CEP350: variants seen among roughly 807,000 people sequenced by gnomAD.
CEP350 encodes the protein centrosomal protein 350, also known as centrosome-associated protein 350.
A neutral mutation model predicts 331.8 loss-of-function variants in CEP350; 126 were observed. The ratio of observed to expected loss-of-function variants is 0.38; its 90% confidence interval spans 0.33 to 0.44. The LOEUF is 0.44. Ranked by LOEUF, CEP350 falls within the 20% of genes least tolerant of loss-of-function variation. The pLI, the probability that CEP350 is intolerant of heterozygous loss-of-function variation, is 1.00. For missense variants in CEP350, 3,406 were observed against 3,634.6 expected, an observed-to-expected ratio of 0.94 and a Z score of 1.62; for synonymous variants, 1,200 against 1,259.5, an observed-to-expected ratio of 0.95 and a Z score of 1.00.
intron 4 of CEP350, among the ~76,000 whole-genome samples, chr1:179,991,072 GA>G (rs1400031016): frequency 6.6e-6 from 1 of 151,578 alleles, no homozygotes; most frequent in East Asian, 1.9e-4. Context: ...CCTTGACAAT[GA>G]GTTTTCATTT....
intron 10 of CEP350, 120 bp from the exon 11 acceptor site, chr1:180,015,729 A>G (rs561910468): frequency 8.1e-7 from 1 of 1,236,902 alleles, no homozygotes; most frequent in Non-Finnish European, 1.1e-6. Flanking sequence ...GTTTGACAAA[A>G]AAAAACCACT....
intron 13 of CEP350, among the ~76,000 whole-genome samples, chr1:180,023,557 G>C (rs1655476537): frequency 6.6e-6 from 1 of 152,092 alleles, no homozygotes; most frequent in Non-Finnish European, 1.5e-5. Flanking sequence ...TAATTATAAT[G>C]ATTATAACAT....
Position 180,078,504 on chromosome 1 carries a change from C to G in CEP350, c.5809C>G (p.His1937Asp). The G allele has an allele frequency of 6.2e-7, 1 of 1,613,492 alleles. No homozygotes were observed. Among genetic ancestry groups the G allele is most frequent in the Non-Finnish European group, 8.5e-7 (1 of 1,179,732 alleles). ...GGAATCTCCAGTACCTCTGTACTCTCATCTAAACAGTGAAAGCTCCATTCC... is the reference window on the plus strand; with the variant it reads ...GGAATCTCCAGTACCTCTGTACTCTGATCTAAACAGTGAAAGCTCCATTCC... ...EEESPVPLYS[H>D]LNSESSIPEE... Residue 1937 changes from histidine to aspartate, a missense_variant, in exon 29 of 38, where the codon CAT becomes GAT. His to Asp is a moderately conservative substitution (Grantham distance 81). Coordinates refer to ENST00000367607, the MANE Select transcript of CEP350 (RefSeq NM_014810.5).
chr1:179,964,700 T>G (rs1383464125), intron 1 of CEP350, among the ~76,000 whole-genome samples: 1 of 152,048 alleles, frequency 6.6e-6, no homozygotes, highest in Non-Finnish European at 1.5e-5. Flanking sequence ...GAGGCTCTTT[T>G]GTATTTTTGT....
At chr1:180,042,988 T>C in intron 19 of CEP350, 68 bp from the exon 20 acceptor site, 2 of 1,515,910 alleles carry the variant, frequency 1.3e-6, no homozygotes, top group East Asian at 2.3e-5. Context: ...CAAGACACTA[T>C]GCTCCTTCTC....
At chr1:180,092,482 C>A in intron 33 of CEP350, 132 bp from the exon 34 acceptor site, 1 of 536,416 alleles carries the variant, frequency 1.9e-6, no homozygotes, top group Non-Finnish European at 3.2e-6. Flanking sequence ...TATAAAGTAG[C>A]CAAAACAGGT....
chr1:180,046,232 A>C (rs935067173), intron 21 of CEP350, among the ~76,000 whole-genome samples: 2 of 152,224 alleles, frequency 1.3e-5, no homozygotes, highest in African/African-American at 4.8e-5. Flanking sequence ...AACCATTAGC[A>C]GTTACTCCCT....
chr1:180,015,210 G>A (rs912357797), intron 10 of CEP350, among the ~76,000 whole-genome samples: 1 of 143,568 alleles, frequency 7.0e-6, no homozygotes, highest in East Asian at 2.0e-4. Context: ...CTAGGAAATT[G>A]TTTATTTATT....
chr1:180,090,842 G>A (rs1660151979), intron 33 of CEP350, 46 bp downstream of exon 33: 1 of 1,453,110 alleles, frequency 6.9e-7, no homozygotes. Flanking sequence ...CATAGTCTAA[G>A]GATTTATGCA....
chr1:179,987,390 A>G, intron 3 of CEP350, 104 bp downstream of exon 3: 1 of 419,160 alleles, frequency 2.4e-6, no homozygotes, highest in Non-Finnish European at 4.2e-6. Context: ...TAAATACTAT[A>G]TATTACTATA....
intron 14 of CEP350, among the ~76,000 whole-genome samples, chr1:180,024,821 T>C (rs1245997701): frequency 6.6e-6 from 1 of 151,966 alleles, no homozygotes; most frequent in African/African-American, 2.4e-5. Flanking sequence ...ATAAACACTC[T>C]TCAAAGAAAG....
chr1:180,025,050 G>A (rs1244365766), intron 14 of CEP350, among the ~76,000 whole-genome samples: 3 of 151,664 alleles, frequency 2.0e-5, no homozygotes, highest in East Asian at 1.9e-4. Context: ...TCAGCCTCCC[G>A]AGTAGCTGGG....
At chr1:180,004,633 C>T (rs931086634) in intron 7 of CEP350, among the ~76,000 whole-genome samples, 1 of 152,110 alleles carries the variant, frequency 6.6e-6, no homozygotes, top group African/African-American at 2.4e-5. Flanking sequence ...GGTGTTTGTC[C>T]CTATTTATCA....
Position 180,033,900 on chromosome 1 carries a change from C to G in CEP350, c.3764C>G (p.Thr1255Ser), listed in dbSNP as rs1444218263. ...SDKGRSQKTP[T>S]SPLSPSSQKS... ...AAGGGAAGATCTCAGAAAACTCCAACTTCTCCCCTGTCACCAAGTTCCCAG... is the reference window on the plus strand; with the variant it reads ...AAGGGAAGATCTCAGAAAACTCCAAGTTCTCCCCTGTCACCAAGTTCCCAG... The change falls in exon 16 of 38, where the codon ACT becomes AGT. Residue 1255 changes from threonine (T) to serine (S), a missense_variant. Thr to Ser is a moderately conservative substitution (Grantham distance 58). Transcript: ENST00000367607. 1 of 1,613,914 alleles carries G rather than the reference C, an allele frequency of 6.2e-7. No individual in the cohort carries two copies. The highest frequency in any genetic ancestry group is 2.2e-5 in the East Asian group (1 of 44,886).
At chr1:180,087,470 A>T in intron 31 of CEP350, 108 bp from the exon 32 acceptor site, 1 of 1,027,610 alleles carries the variant, frequency 9.7e-7, no homozygotes, top group Non-Finnish European at 1.4e-6. Context: ...TTTTTATATT[A>T]CATCTTCTTT....
intron 12 of CEP350, among the ~76,000 whole-genome samples, chr1:180,022,353 ATGT>A (rs1453601995): frequency 3.3e-5 from 5 of 152,158 alleles, no homozygotes; most frequent in African/African-American, 9.7e-5. Context: ...TGAGAATGAA[ATGT>A]TGTCTGGAAT....
intron 1 of CEP350, among the ~76,000 whole-genome samples, chr1:179,965,862 G>T (rs1400667569): frequency 2.6e-5 from 4 of 151,980 alleles, no homozygotes; most frequent in East Asian, 1.9e-4. Context: ...CTGACCTCAG[G>T]TGATCCACTT....
intron 1 of CEP350, among the ~76,000 whole-genome samples, chr1:179,983,695 A>G (rs554424857): frequency 6.6e-6 from 1 of 152,204 alleles, no homozygotes; most frequent in Admixed American, 6.5e-5. Context: ...CTTAAATTTA[A>G]ATTGGTGTTT....
chr1:180,042,686 G>A (rs1451329921), intron 19 of CEP350, among the ~76,000 whole-genome samples: 2 of 152,178 alleles, frequency 1.3e-5, no homozygotes, highest in Non-Finnish European at 2.9e-5. Flanking sequence ...TTAAGAATAG[G>A]GAAAATGTAC....
Sources: allele counts gnomAD v4.1 joint callset (sites outside exome capture counted in the v4.1 genomes callset), GRCh38; gene constraint gnomAD v4.1.1; transcripts MANE v1.5; gene names NCBI Gene and HGNC (gene_info 2026-07-23, HGNC 2026-07-21).